ATP9A: variants seen among roughly 807,000 people sequenced by gnomAD.
The protein encoded by ATP9A is ATPase phospholipid transporting 9A.
In ATP9A, 52 loss-of-function variants were observed where a neutral mutation model predicts 144.1. The ratio of observed to expected loss-of-function variants is 0.36; its 90% CI spans 0.29 to 0.45. ATP9A has a LOEUF of 0.45. Among genes scored for constraint, ATP9A ranks in the 20% least tolerant of loss-of-function variants. The probability of loss-of-function intolerance (pLI) is 1.00; values close to 1 mark genes in which losing one functional copy is unlikely to be tolerated. For synonymous variants in ATP9A, 582 were observed against 557.4 expected (o/e 1.04, Z -0.62); for missense variants, 947 against 1,392.7 (o/e 0.68, Z 5.09).
At chr20:51,631,010 G>A (rs2077267711) in intron 15 of ATP9A, among the ~76,000 whole-genome samples, 1 of 152,042 alleles carries the variant, frequency 6.6e-6, no homozygotes, top group East Asian at 1.9e-4. Flanking sequence ...CTGTCTGTTC[G>A]GCTCCCCCAA....
chr20:51,676,680 T>C (rs992228734), intron 9 of ATP9A, among the ~76,000 whole-genome samples: 2 of 152,108 alleles, frequency 1.3e-5, no homozygotes, highest in Admixed American at 6.6e-5. Context: ...GGTTTCACCA[T>C]GTAGGCCAGG....
intron 18 of ATP9A, among the ~76,000 whole-genome samples, chr20:51,622,871 C>G (rs1421136809): frequency 1.3e-5 from 2 of 152,086 alleles, no homozygotes; most frequent in African/African-American, 4.8e-5. Context: ...AGTCTTGGGG[C>G]TATCGGTCAA....
At chr20:51,740,586 G>A (rs1288089792) in intron 1 of ATP9A, among the ~76,000 whole-genome samples, 2 of 19,324 alleles carry the variant, frequency 1.0e-4, no homozygotes, top group African/African-American at 3.8e-4. Context: ...TTTGTTTTTT[G>A]AGACAAGGTC....
chr20:51,764,001 A>C (rs747196053), intron 1 of ATP9A, among the ~76,000 whole-genome samples: 11 of 152,194 alleles, frequency 7.2e-5, no homozygotes, highest in South Asian at 2.1e-4. Flanking sequence ...CCTCTCAAAG[A>C]AGCACACTGT....
chr20:51,718,814 CAAAAAAAAAAAAAAAA>C (rs71192550), intron 3 of ATP9A, among the ~76,000 whole-genome samples: 23 of 57,680 alleles, frequency 4.0e-4, no homozygotes, highest in Non-Finnish European at 4.9e-4. Flanking sequence ...GACTCCATCT[CAAAAAAAAAAAAAAAA>C]AAAAAAAAAA....
chr20:51,696,766 T>C (rs1338043048), intron 5 of ATP9A, among the ~76,000 whole-genome samples: 1 of 152,202 alleles, frequency 6.6e-6, no homozygotes, highest in Non-Finnish European at 1.5e-5. Context: ...TTAATCCCTT[T>C]AAAAGAGCAT....
intron 1 of ATP9A, among the ~76,000 whole-genome samples, chr20:51,766,685 AC>A (rs2077905357): frequency 6.6e-6 from 1 of 152,108 alleles, no homozygotes; most frequent in Non-Finnish European, 1.5e-5. Context: ...TACTAAAAAT[AC>A]AAAAACTAGT....
At position 51,755,871 on chromosome 20, in the gene ATP9A, C is replaced by T. The variant is rs575706347; in HGVS notation, c.68+12431G>A. Among the ~76,000 whole-genome samples, 7 of 151,966 alleles carry T rather than the reference C, an allele frequency of 4.6e-5. No individual in the cohort carries two copies. The South Asian group carries it at 8.3e-4, about 18-fold the overall frequency. Reference sequence around the variant, plus strand: ...TCTGGAGGCTGAGGCAGGAGAATGGCGTGAACCTGGGAGGCGGAGCTTGCA... The same window carrying T: ...TCTGGAGGCTGAGGCAGGAGAATGGTGTGAACCTGGGAGGCGGAGCTTGCA... On this transcript the variant is annotated intron_variant, in intron 1 of 27. Transcript: ENST00000338821.
chr20:51,700,725 G>A (rs1469557919), intron 4 of ATP9A, among the ~76,000 whole-genome samples: 1 of 152,200 alleles, frequency 6.6e-6, no homozygotes, highest in Admixed American at 6.5e-5. Context: ...AGCTACTCGG[G>A]AGGCTGAAGC....
At chr20:51,686,366 A>T (rs536739786) in intron 9 of ATP9A, among the ~76,000 whole-genome samples, 18 of 24,478 alleles carry the variant, frequency 7.4e-4, no homozygotes, top group African/African-American at 1.8e-3. Flanking sequence ...AAGTATAATT[A>T]AAAAAAAAAA....
intron 18 of ATP9A, among the ~76,000 whole-genome samples, chr20:51,623,801 A>AAAAAAAAAAG (rs558189054): frequency 1.5e-5 from 2 of 133,390 alleles, no homozygotes; most frequent in Non-Finnish European, 3.1e-5. Flanking sequence ...AAAAAAAAAA[A>AAAAAAAAAAG]AAAGAAAGAA....
chr20:51,708,849 GA>G (rs1406094154), intron 4 of ATP9A, among the ~76,000 whole-genome samples: 4 of 152,252 alleles, frequency 2.6e-5, no homozygotes, highest in African/African-American at 9.6e-5. Flanking sequence ...TGTCCTCTTC[GA>G]AATGTCAAGA....
At chr20:51,612,521 T>C (rs1304171630) in intron 23 of ATP9A, among the ~76,000 whole-genome samples, 1 of 152,186 alleles carries the variant, frequency 6.6e-6, no homozygotes, top group East Asian at 1.9e-4. Context: ...ACTTCCCAGA[T>C]TCAAGTGATT....
intron 1 of ATP9A, 96 bp from the exon 2 acceptor site, chr20:51,730,074 T>C (rs2077733921): frequency 5.3e-6 from 7 of 1,317,778 alleles, no homozygotes; most frequent in Non-Finnish European, 5.9e-6. Flanking sequence ...CTCTACAGCA[T>C]CTTCTCTGGC....
intron 4 of ATP9A, among the ~76,000 whole-genome samples, chr20:51,709,991 TGAAAA>T (rs752520533): frequency 8.5e-5 from 13 of 152,180 alleles, no homozygotes; most frequent in Non-Finnish European, 1.5e-4. Flanking sequence ...AAAATACTGT[TGAAAA>T]GAACATTTTA....
chr20:51,606,252 A>G (rs977261289), intron 26 of ATP9A, among the ~76,000 whole-genome samples: 6 of 152,252 alleles, frequency 3.9e-5, no homozygotes, highest in Admixed American at 3.9e-4. Flanking sequence ...GCAAAACTCC[A>G]TCTCAGAATA....
chr20:51,721,429 G>A (rs1209299415), intron 3 of ATP9A, among the ~76,000 whole-genome samples: 1 of 152,160 alleles, frequency 6.6e-6, no homozygotes, highest in Non-Finnish European at 1.5e-5. Context: ...AGATGAGTAT[G>A]TGCCACATAA....
intron 25 of ATP9A, 130 bp from the exon 26 acceptor site, chr20:51,607,714 G>A (rs908932623): frequency 2.3e-5 from 16 of 693,574 alleles, no homozygotes; most frequent in Non-Finnish European, 3.3e-5. Context: ...AAAGTGGCTC[G>A]CACACATCTG....
At chr20:51,751,423 C>T (rs781010972) in intron 1 of ATP9A, among the ~76,000 whole-genome samples, 4 of 151,864 alleles carry the variant, frequency 2.6e-5, no homozygotes, top group Middle Eastern at 3.4e-3. Flanking sequence ...CCATGCCCAG[C>T]TAATTTTTTA....
Sources: gnomAD v4.1 joint callset for allele counts (sites outside exome capture counted in the v4.1 genomes callset) on GRCh38, gnomAD v4.1.1 for gene constraint, MANE v1.5 for transcripts, NCBI Gene and HGNC (gene_info 2026-07-23, HGNC 2026-07-21) for gene names.